Variants in KCNQ1 observed in about 807,000 individuals in gnomAD.
KCNQ1 encodes potassium voltage-gated channel subfamily Q member 1, also known as potassium voltage-gated channel subfamily KQT member 1.
Under a neutral mutation model 72.4 loss-of-function variants are expected in KCNQ1, and 49 were observed. The observed-to-expected ratio is 0.68, with a 90% CI of 0.54 to 0.86. The LOEUF (loss-of-function observed/expected upper bound fraction) is 0.86, where lower values mean the gene tolerates loss of function less well. Among genes scored for constraint, KCNQ1 ranks in the 40% least tolerant of loss-of-function variants. The probability of loss-of-function intolerance (pLI) is 0.00; values close to 1 mark genes in which losing one functional copy is unlikely to be tolerated. For missense variants in KCNQ1, 790 were observed against 945.1 expected (o/e 0.84, Z 2.15); for synonymous variants, 450 against 412.6 (o/e 1.09, Z -1.10).
At chr11:2,641,872 C>G (rs1421989042) in intron 10 of KCNQ1, 2 of 398,298 alleles carry the variant, frequency 5.0e-6, no homozygotes, top group Non-Finnish European at 8.9e-6. Context: ...TTCCCAGCTC[C>G]ATTAAGTGAA....
chr11:2,843,818 G>C (rs555545610), intron 15 of KCNQ1, among the ~76,000 whole-genome samples: 1 of 152,344 alleles, frequency 6.6e-6, no homozygotes, highest in Admixed American at 6.5e-5. Flanking sequence ...TCTCTTCCGA[G>C]GGCTGCATAG....
At chr11:2,528,899 C>T (rs1307652253) in intron 2 of KCNQ1, among the ~76,000 whole-genome samples, 3 of 152,238 alleles carry the variant, frequency 2.0e-5, no homozygotes, top group Non-Finnish European at 4.4e-5. Flanking sequence ...GCAGTGGTAT[C>T]CGTCTCATTT....
chr11:2,688,047 A>G, intron 11 of KCNQ1: 1 of 398,754 alleles, frequency 2.5e-6, no homozygotes, highest in Non-Finnish European at 4.4e-6. Flanking sequence ...CACTCCACTC[A>G]GCTGCAGCCA....
Position 2,549,026 on chromosome 11 carries a change from C to A in KCNQ1, c.477+21008C>A, listed in dbSNP as rs1486938613. On this transcript the variant is annotated intron_variant, in intron 2 of 15. Transcript: ENST00000155840. This position sits in a 1 kb window ranked among gnomAD's most constrained non-coding sequence, Gnocchi z 6.2. ...GACAGGTGCTGGGGCCCGGACACGACCTGGTTTCTTCATCCCAGGGGCTGT... is the reference window on the plus strand; with the variant it reads ...GACAGGTGCTGGGGCCCGGACACGAACTGGTTTCTTCATCCCAGGGGCTGT... Among the ~76,000 whole-genome samples the A allele has an allele frequency of 1.3e-5, 2 of 152,186 alleles. No individual in the cohort carries two copies. Among genetic ancestry groups the A allele is most frequent in the African/African-American group, 2.4e-5 (1 of 41,422 alleles).
chr11:2,488,283 T>C lies in KCNQ1; in HGVS notation c.387-39645T>C, dbSNP rs1388441952. On this transcript the variant is annotated intron_variant, in intron 1 of 15. Transcript: ENST00000155840. This position sits in a 1 kb window ranked among gnomAD's most constrained non-coding sequence, Gnocchi z 5.1. ...TCAGTTTGCTATTTTGTTGAGAATT[T>C]TGCATCAGTTTTCATAAGGGATATT... 2.6e-5 allele frequency among the ~76,000 whole-genome samples: 4 copies of C among 152,336 alleles called. No individual in the cohort carries two copies. The highest frequency in any genetic ancestry group is 3.4e-3 in the Middle Eastern group (1 of 294).
intron 13 of KCNQ1, 50 bp from the exon 14 acceptor site, chr11:2,776,936 G>A (rs750215058): frequency 6.4e-7 from 1 of 1,572,358 alleles, no homozygotes; most frequent in Non-Finnish European, 8.8e-7. Flanking sequence ...CAGTGCATCT[G>A]CGCAGTGCCA....
In KCNQ1 at chr11:2,723,303, G is replaced by C. The variant is rs1311067618; in HGVS notation, c.1515-45541G>C. ...TACCGTTGGGGCAAGTGAGGGACGAGGAGGCTCCGCAGCCTCCCCCGGGAC... is the reference window on the plus strand; with the variant it reads ...TACCGTTGGGGCAAGTGAGGGACGACGAGGCTCCGCAGCCTCCCCCGGGAC... On this transcript the variant is annotated intron_variant, in intron 11 of 15. Coordinates refer to ENST00000155840, the MANE Select transcript of KCNQ1 (RefSeq NM_000218.3). The surrounding 1 kb of genome is among the most constrained non-coding windows in gnomAD (Gnocchi z 4.2). Among the ~76,000 whole-genome samples the C allele has an allele frequency of 6.6e-6, 1 of 152,228 alleles. No homozygotes were observed. The highest frequency in any genetic ancestry group is 1.9e-4 in the East Asian group (1 of 5,194).
rs939876090 is a variant in KCNQ1 at position 2,588,937 on chromosome 11, T to A, written c.1393+83T>A. 1 of 1,511,266 alleles carries A rather than the reference T, an allele frequency of 6.6e-7. No homozygotes were observed. Among genetic ancestry groups the A allele is most frequent in the Non-Finnish European group, 9.0e-7 (1 of 1,107,204 alleles). 93.6% of individuals were successfully genotyped at this position (1,511,266 alleles called of 1,614,324 possible). ...GGGAGCCCGAGCAAGCCAGTGAGTT[T>A]CTCCCTTGGGCTGTGGTCTCTGACA... On this transcript the variant is annotated intron_variant, in intron 10 of 15. Coordinates refer to ENST00000155840, the MANE Select transcript of KCNQ1 (RefSeq NM_000218.3). The surrounding 1 kb of genome is among the most constrained non-coding windows in gnomAD (Gnocchi z 5.6).
rs1847862077 is a variant in KCNQ1 at position 2,827,466 on chromosome 11, C to T, written c.1795-20301C>T. On this transcript the variant is annotated intron_variant, in intron 15 of 15. Transcript: ENST00000155840. This position sits in a 1 kb window ranked among gnomAD's most constrained non-coding sequence, Gnocchi z 6.7. Reference sequence around the variant, plus strand: ...TAAAAGACATGAAGGACAGGCCCCACTCCTGTAAAACCCTACACAGAAGCG... The same window carrying T: ...TAAAAGACATGAAGGACAGGCCCCATTCCTGTAAAACCCTACACAGAAGCG... Among the ~76,000 whole-genome samples the T allele has an allele frequency of 6.6e-6, 1 of 152,132 alleles. No homozygotes were observed. Among genetic ancestry groups the T allele is most frequent in the Admixed American group, 6.5e-5 (1 of 15,278 alleles).
rs747713563 is a variant in KCNQ1, at chr11:2,564,348, C to G, written c.478-6280C>G. On this transcript the variant is annotated intron_variant, in intron 2 of 15. Coordinates refer to ENST00000155840, the MANE Select transcript of KCNQ1 (RefSeq NM_000218.3). This position sits in a 1 kb window ranked among gnomAD's most constrained non-coding sequence, Gnocchi z 4.5. ...GTGACTCATGCCTGCAATCCCAGCACTTTGGAAGGCTGAGGCGGGCGGATC... is the reference window on the plus strand; with the variant it reads ...GTGACTCATGCCTGCAATCCCAGCAGTTTGGAAGGCTGAGGCGGGCGGATC... Among the ~76,000 whole-genome samples, 68 of 152,312 alleles carry G rather than the reference C, an allele frequency of 4.5e-4. No homozygotes were observed. Among genetic ancestry groups the G allele is most frequent in the African/African-American group, 1.6e-3 (67 of 41,566 alleles).
chr11:2,656,329 G>A lies in KCNQ1; in HGVS notation c.1394-5632G>A, dbSNP rs1849847646. The A allele has an allele frequency of 4.5e-5, 18 of 398,660 alleles. No homozygotes were observed. The East Asian group carries it at 6.4e-4, about 14-fold the overall frequency. The allele number at this position is 398,660 out of a possible 1,614,324, so 24.7% of individuals were successfully genotyped here. On this transcript the variant is annotated intron_variant, in intron 10 of 15. Coordinates refer to ENST00000155840, the MANE Select transcript of KCNQ1 (RefSeq NM_000218.3). ...TGCTTCTGCCAGGTCCCAGACCTGT[G>A]GGTCTCCAAATCTGCACATTCTTCA... is the stretch of plus-strand genomic sequence containing the variant.
rs1487952450 is a variant in KCNQ1, at chr11:2,787,589, A to G, written c.1794+9552A>G. Among the ~76,000 whole-genome samples the G allele has an allele frequency of 1.3e-5, 2 of 152,204 alleles. No individual in the cohort carries two copies. Among genetic ancestry groups the G allele is most frequent in the African/African-American group, 4.8e-5 (2 of 41,452 alleles). On this transcript the variant is annotated intron_variant, in intron 15 of 15. Coordinates refer to ENST00000155840, the MANE Select transcript of KCNQ1 (RefSeq NM_000218.3). The surrounding 1 kb of genome is among the most constrained non-coding windows in gnomAD (Gnocchi z 6.3). ...AATAAGTAAAATTGATTACAATAAT[A>G]TATTTTATTTAACCCAATAGATCCA...
In KCNQ1 at chr11:2,621,612, G is replaced by C. The variant is rs552796645; in HGVS notation, c.1393+32758G>C. On this transcript the variant is annotated intron_variant, in intron 10 of 15. Coordinates refer to ENST00000155840, the MANE Select transcript of KCNQ1 (RefSeq NM_000218.3). The surrounding 1 kb of genome is among the most constrained non-coding windows in gnomAD (Gnocchi z 5.7). Reference sequence around the variant, plus strand: ...TTCTATTCCTGATTTAATCTTAGCAGGTTGGTTTTTTTCTAGGAATTTGTC... The same window carrying C: ...TTCTATTCCTGATTTAATCTTAGCACGTTGGTTTTTTTCTAGGAATTTGTC... 1 of 398,356 alleles carries C rather than the reference G, an allele frequency of 2.5e-6. No homozygotes were observed. The highest frequency in any genetic ancestry group is 4.4e-6 in the Non-Finnish European group (1 of 225,988). 24.7% of individuals were successfully genotyped at this position (398,356 alleles called of 1,614,324 possible).
rs764238970 is a variant in KCNQ1, at chr11:2,783,149, T to C, written c.1794+5112T>C. 3.9e-5 allele frequency among the ~76,000 whole-genome samples: 6 copies of C among 152,166 alleles called. No individual in the cohort carries two copies. Among genetic ancestry groups the C allele is most frequent in the Non-Finnish European group, 7.4e-5 (5 of 67,990 alleles). ...TCATCCAAACTACATCTCCCACATTTTGATATATGGCATTTAATTTTAATC... is the reference window on the plus strand; with the variant it reads ...TCATCCAAACTACATCTCCCACATTCTGATATATGGCATTTAATTTTAATC... On this transcript the variant is annotated intron_variant, in intron 15 of 15. Coordinates refer to ENST00000155840, the MANE Select transcript of KCNQ1 (RefSeq NM_000218.3). The surrounding 1 kb of genome is among the most constrained non-coding windows in gnomAD (Gnocchi z 5.2).
At position 2,528,037 on chromosome 11, in the gene KCNQ1, C is replaced by T. The variant is rs2133650207; in HGVS notation, c.477+19C>T. 1.9e-6 allele frequency: 3 copies of T among 1,594,354 alleles called. No individual in the cohort carries two copies. Among genetic ancestry groups the T allele is most frequent in the Non-Finnish European group, 1.7e-6 (2 of 1,163,420 alleles). ...CTGGATGGTACGTAGCATCTGAGGG[C>T]ATGGCTGGATGTCATGGCTGCCTTG... On this transcript the variant is annotated intron_variant, in intron 2 of 15. Coordinates refer to ENST00000155840, the MANE Select transcript of KCNQ1 (RefSeq NM_000218.3).
rs1189870856 is a variant in KCNQ1, at chr11:2,603,326, ATGT to A, written c.1393+14478_1393+14480del. Among the ~76,000 whole-genome samples, 1 of 152,180 alleles carries A rather than the reference ATGT, an allele frequency of 6.6e-6. No homozygotes were observed. Among genetic ancestry groups the A allele is most frequent in the Non-Finnish European group, 1.5e-5 (1 of 68,034 alleles). On this transcript the variant is annotated intron_variant, in intron 10 of 15. Transcript: ENST00000155840. This position sits in a 1 kb window ranked among gnomAD's most constrained non-coding sequence, Gnocchi z 4.1. ...TGCTGACCCAGAATGAAGTGAGCAC[ATGT>A]TGTTGGAAAAATGGCACTGATAGAC...
In KCNQ1 at chr11:2,674,125, C is replaced by T. The variant is rs979079484; in HGVS notation, c.1514+12044C>T. The T allele has an allele frequency of 2.0e-5, 8 of 398,460 alleles. No individual in the cohort carries two copies. The highest frequency in any genetic ancestry group is 1.3e-4 in the South Asian group (1 of 7,846). 24.7% of individuals were successfully genotyped at this position (398,460 alleles called of 1,614,324 possible). A position where few individuals can be genotyped will look rare whatever the true frequency, so the allele number is the denominator to read the frequency against. The stretch of plus-strand genomic sequence containing the variant: ...GAGGGAGGTGTGGAAGCTGGTTTGC[C>T]GGGGCCACCCAGTGTGGGCTCAGGA... On this transcript the variant is annotated intron_variant, in intron 11 of 15. Coordinates refer to ENST00000155840, the MANE Select transcript of KCNQ1 (RefSeq NM_000218.3). This position sits in a 1 kb window ranked among gnomAD's most constrained non-coding sequence, Gnocchi z 5.9.
intron 10 of KCNQ1, chr11:2,632,649 T>C (rs915855573): frequency 5.0e-5 from 20 of 398,298 alleles, no homozygotes; most frequent in African/African-American, 3.5e-4. Flanking sequence ...AACTCAAATA[T>C]CATTTCTCTG....
In KCNQ1 at chr11:2,623,166, T is replaced by C. The variant is rs1849202967; in HGVS notation, c.1393+34312T>C. 2.5e-6 allele frequency: 1 copy of C among 398,734 alleles called. No homozygotes were observed. The highest frequency in any genetic ancestry group is 3.6e-5 in the East Asian group (1 of 28,076). 24.7% of individuals were successfully genotyped at this position (398,734 alleles called of 1,614,324 possible). A position where few individuals can be genotyped will look rare whatever the true frequency, so the allele number is the denominator to read the frequency against. On this transcript the variant is annotated intron_variant, in intron 10 of 15. Transcript: ENST00000155840. This position sits in a 1 kb window ranked among gnomAD's most constrained non-coding sequence, Gnocchi z 5.2. Reference sequence around the variant, plus strand: ...CTCCTGTTCTGCCATGGTAAAGATGTGCCTGCTTCTCCTTTGCCTTCCGCC... The same window carrying C: ...CTCCTGTTCTGCCATGGTAAAGATGCGCCTGCTTCTCCTTTGCCTTCCGCC...
Sources: allele counts gnomAD v4.1 joint callset (sites outside exome capture counted in the v4.1 genomes callset), GRCh38; gene constraint gnomAD v4.1.1; non-coding constraint Gnocchi (gnomAD v3.1); transcripts MANE v1.5; gene names NCBI Gene and HGNC (gene_info 2026-07-23, HGNC 2026-07-21).